The following IRGQ variants were observed in gnomAD, a reference collection of about 807,000 sequenced individuals.
IRGQ encodes the protein immunity-related GTPase family Q protein.
IRGQ carries 5 observed loss-of-function variants against 10.5 expected under a neutral mutation model. That is an observed-to-expected ratio of 0.48 (90% CI 0.25 to 1.00). The LOEUF (loss-of-function observed/expected upper bound fraction) is 1.00, where lower values mean the gene tolerates loss of function less well. IRGQ is among the 50% of genes least tolerant of loss of function. IRGQ has a pLI of 0.16. For synonymous variants in IRGQ, 418 were observed against 426.0 expected, an observed-to-expected ratio of 0.98 and a Z score of 0.23; for missense variants, 792 against 877.7, an observed-to-expected ratio of 0.90 and a Z score of 1.23.
chr19:43,585,782 G>A lies in IRGQ; in HGVS notation c.*6244C>T, dbSNP rs2146090113. ...ACTCCTTCCAGGGTGGAAAAACTCA[G>A]ATACTGATAAATTCTCTTGATCACA... On this transcript the variant is annotated 3_prime_UTR_variant, in exon 3 of 3. Transcript: ENST00000422989. The A allele has an allele frequency of 6.6e-6, 1 of 152,226 alleles. No homozygotes were observed. Among genetic ancestry groups the A allele is most frequent in the African/African-American group, 2.4e-5 (1 of 41,526 alleles). The allele number at this position is 152,226 out of a possible 1,614,324, so 9.4% of individuals were successfully genotyped here.
In IRGQ at chr19:43,589,545, C is replaced by G. The variant is rs1973031738; in HGVS notation, c.*2481G>C. On this transcript the variant is annotated 3_prime_UTR_variant, in exon 3 of 3. Coordinates refer to ENST00000422989, the MANE Select transcript of IRGQ (RefSeq NM_001007561.3). Reference sequence around the variant, plus strand: ...TGAGCCATGATCATCCCACTGTATTCCAGCCGGGGCAACAGAGCAAGACCC... The same window carrying G: ...TGAGCCATGATCATCCCACTGTATTGCAGCCGGGGCAACAGAGCAAGACCC... The G allele has an allele frequency of 6.6e-6, 1 of 152,096 alleles. No homozygotes were observed. Among genetic ancestry groups the G allele is most frequent in the Non-Finnish European group, 1.5e-5 (1 of 68,042 alleles). The allele number at this position is 152,096 out of a possible 1,614,324, so 9.4% of individuals were successfully genotyped here.
Position 43,592,738 on chromosome 19 carries a change from C to T in IRGQ, c.1160G>A (p.Gly387Glu). 1 of 1,612,132 alleles carries T rather than the reference C, an allele frequency of 6.2e-7. No homozygotes were observed. Among genetic ancestry groups the T allele is most frequent in the Admixed American group, 1.7e-5 (1 of 60,036 alleles). ...CTGCAAACCCTCGCTGCCAGCTTTC[C>T]CAGGACCTTCCCCGCTGCCTGCTTT... is the stretch of plus-strand genomic sequence containing the variant. ...SQKAGSGEGP[G>E]KAGSEGLQQV... is the part of the protein sequence containing the mutation. The change falls in exon 3 of 3, where the codon GGG (glycine) becomes GAG (glutamate). Residue 387 changes from glycine (G) to glutamate (E), a missense_variant. Coordinates refer to ENST00000422989, the MANE Select transcript of IRGQ (RefSeq NM_001007561.3).
Position 43,592,825 on chromosome 19 carries a change from C to T in IRGQ, c.1073G>A (p.Gly358Asp), listed in dbSNP as rs557028630. 5 of 1,614,110 alleles carry T rather than the reference C, an allele frequency of 3.1e-6. No individual in the cohort carries two copies. The Admixed American group carries it at 8.3e-5, about 27-fold the overall frequency. ...NPKGESLKNA[G>D]GGGLENALSK... The stretch of plus-strand genomic sequence containing the variant: ...GAGTGCATTCTCCAATCCCCCTCCA[C>T]CTGCGTTCTTTAAGCTCTCGCCCTT... Residue 358 changes from glycine to aspartate, a missense_variant, in exon 3 of 3, where the codon GGT becomes GAT. By Grantham distance (94) the Gly-to-Asp change is moderately conservative. Coordinates refer to ENST00000422989, the MANE Select transcript of IRGQ (RefSeq NM_001007561.3).
At position 43,595,220 on chromosome 19, in the gene IRGQ, C is replaced by T; in HGVS notation, c.119G>A (p.Gly40Glu). Residue 40 changes from glycine to glutamate, a missense_variant, in exon 2 of 3, where the codon GGA (glycine) becomes GAA (glutamate). Coordinates refer to ENST00000422989, the MANE Select transcript of IRGQ (RefSeq NM_001007561.3). ...KDVETLEAPE[G>E]RPDSGVPSLR... The stretch of plus-strand genomic sequence containing the variant: ...GCTGGGAACCCCGGAGTCCGGCCGT[C>T]CCTCGGGGGCCTCGAGCGTCTCCAC... 1 of 1,612,576 alleles carries T rather than the reference C, an allele frequency of 6.2e-7. No homozygotes were observed. The highest frequency in any genetic ancestry group is 8.5e-7 in the Non-Finnish European group (1 of 1,179,762).
chr19:43,594,051 G>A (rs1391591609), intron 2 of IRGQ, among the ~76,000 whole-genome samples: 1 of 152,222 alleles, frequency 6.6e-6, no homozygotes, highest in Non-Finnish European at 1.5e-5. Context: ...AAACAAGAGG[G>A]AGCTGGAGAA....
chr19:43,595,344 G>A lies in IRGQ; in HGVS notation c.-2-4C>T, dbSNP rs554986105. 2.6e-4 allele frequency: 402 copies of A among 1,539,186 alleles called. No individual in the cohort carries two copies. The highest frequency in any genetic ancestry group is 1.8e-3 in the South Asian group (148 of 81,830). On this transcript the variant is annotated splice_polypyrimidine_tract_variant and splice_region_variant and intron_variant, in intron 1 of 2. Coordinates refer to ENST00000422989, the MANE Select transcript of IRGQ (RefSeq NM_001007561.3). ...TCACCCTGCGGCGGAGGCATGGCTG[G>A]AAAGCAACGGGTAGAGAAGACCTGG...
chr19:43,592,837 A>G lies in IRGQ; in HGVS notation c.1061T>C (p.Leu354Ser). Reference protein sequence around the residue: ...GKMENPKGESLKNAGGGGLEN... With the variant: ...GKMENPKGESSKNAGGGGLEN... ...CAATCCCCCTCCACCTGCGTTCTTTAAGCTCTCGCCCTTGGGATTCTCCAT... is the reference window on the plus strand; with the variant it reads ...CAATCCCCCTCCACCTGCGTTCTTTGAGCTCTCGCCCTTGGGATTCTCCAT... The change falls in exon 3 of 3, where the codon TTA becomes TCA. Residue 354 changes from leucine (L) to serine (S), a missense_variant. Coordinates refer to ENST00000422989, the MANE Select transcript of IRGQ (RefSeq NM_001007561.3). 1 of 1,613,828 alleles carries G rather than the reference A, an allele frequency of 6.2e-7. No individual in the cohort carries two copies. Among genetic ancestry groups the G allele is most frequent in the Non-Finnish European group, 8.5e-7 (1 of 1,179,978 alleles).
chr19:43,593,335 A>G lies in IRGQ; in HGVS notation c.563T>C (p.Val188Ala). The G allele has an allele frequency of 6.5e-7, 1 of 1,527,136 alleles. No individual in the cohort carries two copies. The highest frequency in any genetic ancestry group is 8.8e-7 in the Non-Finnish European group (1 of 1,136,774). The allele number at this position is 1,527,136 out of a possible 1,614,324, so 94.6% of individuals were successfully genotyped here. A position where few individuals can be genotyped will look rare whatever the true frequency, so the allele number is the denominator to read the frequency against. The change falls in exon 3 of 3, where the codon GTG becomes GCG. Residue 188 changes from valine to alanine, a missense_variant. Transcript: ENST00000422989. The surrounding 1 kb of genome is among the most constrained non-coding windows in gnomAD (Gnocchi z 6.4). ...AGCCTCTAGCTCTGCTGCACCCAAC[A>G]CCTCGAAGCCATCCTGCGCCGGTGG... The part of the protein sequence containing the change: ...LLPPAQDGFE[V>A]LGAAELEAVR...
intron 2 of IRGQ, 128 bp downstream of exon 2, chr19:43,594,681 A>G: frequency 1.4e-6 from 1 of 691,710 alleles, no homozygotes; most frequent in Non-Finnish European, 2.2e-6. Flanking sequence ...GGAAAAAAAA[A>G]AAAATAATAA....
intron 1 of IRGQ, among the ~76,000 whole-genome samples, 199 bp downstream of exon 1, chr19:43,595,783 C>G (rs567512691): frequency 6.6e-6 from 1 of 152,124 alleles, no homozygotes; most frequent in Non-Finnish European, 1.5e-5. Flanking sequence ...AAGGCTGCGG[C>G]GGGAGGATCG....
chr19:43,592,664 C>T lies in IRGQ; in HGVS notation c.1234G>A (p.Ala412Thr), dbSNP rs1046325224. 6.8e-6 allele frequency: 11 copies of T among 1,605,874 alleles called. No homozygotes were observed. Among genetic ancestry groups the T allele is most frequent in the South Asian group, 4.4e-5 (4 of 91,088 alleles). The part of the protein sequence containing the change: ...KSGGGDSERA[A>T]ALSPEDETWE... ...GTCTCGTCCTCCGGGCTTAACGCAG[C>T]GGCCCGCTCTGAGTCGCCACCACCT... Residue 412 changes from alanine (A) to threonine (T), a missense_variant, in exon 3 of 3, where the codon GCT becomes ACT. Transcript: ENST00000422989.
chr19:43,593,022 A>G lies in IRGQ; in HGVS notation c.876T>C (p.Ser292=), dbSNP rs949148377. The change falls in exon 3 of 3, where the codon TCT becomes TCC. Residue 292 remains serine, a synonymous_variant. Transcript: ENST00000422989. The surrounding 1 kb of genome is among the most constrained non-coding windows in gnomAD (Gnocchi z 6.4). The part of the protein sequence containing the change: ...TGTATTAAAA[S]HPTHYDALIL... ...TGAGGGCGTCGTAGTGCGTTGGGTG[A>G]GAGGCGGCGGCCGCGGTGGTGGCAG... The G allele has an allele frequency of 6.2e-7, 1 of 1,605,736 alleles. No individual in the cohort carries two copies. Among genetic ancestry groups the G allele is most frequent in the Admixed American group, 1.7e-5 (1 of 59,928 alleles).
Position 43,589,447 on chromosome 19 carries a change from T to G in IRGQ, c.*2579A>C, listed in dbSNP as rs1359967046. The G allele has an allele frequency of 1.3e-5, 2 of 152,148 alleles. No homozygotes were observed. The highest frequency in any genetic ancestry group is 2.9e-5 in the Non-Finnish European group (2 of 68,042). The allele number at this position is 152,148 out of a possible 1,614,324, so 9.4% of individuals were successfully genotyped here. On this transcript the variant is annotated 3_prime_UTR_variant, in exon 3 of 3. Transcript: ENST00000422989. ...CGTCTCTACAGAAAATTTGGTGCTG[T>G]GTACCTATAGTCCCAGCTACTCTGT...
intron 2 of IRGQ, 72 bp downstream of exon 2, chr19:43,594,737 A>G: frequency 7.4e-7 from 1 of 1,344,634 alleles, no homozygotes; most frequent in South Asian, 1.4e-5. Context: ...GAGGGATCTC[A>G]TGGACCTCCA....
intron 1 of IRGQ, chr19:43,595,580 G>C: frequency 2.6e-6 from 1 of 384,230 alleles, no homozygotes; most frequent in Admixed American, 4.3e-5. Flanking sequence ...CAAAAACTCT[G>C]AAATCAGGCG....
At position 43,592,312 on chromosome 19, in the gene IRGQ, C is replaced by T. The variant is rs1431690612; in HGVS notation, c.1586G>A (p.Arg529Gln). Residue 529 changes from arginine to glutamine, a missense_variant, in exon 3 of 3, where the codon CGA (arginine) becomes CAA (glutamine). Coordinates refer to ENST00000422989, the MANE Select transcript of IRGQ (RefSeq NM_001007561.3). Reference protein sequence around the residue: ...GLGLEPTALARRERALGLASG... With the variant: ...GLGLEPTALAQRERALGLASG... The stretch of plus-strand genomic sequence containing the variant: ...AGCCAGGCCCAGGGCACGCTCACGT[C>T]GAGCCAGTGCCGTGGGTTCCAGCCC... The T allele has an allele frequency of 3.2e-6, 5 of 1,564,656 alleles. No homozygotes were observed. The highest frequency in any genetic ancestry group is 1.8e-5 in the Admixed American group (1 of 55,202).
At position 43,593,456 on chromosome 19, in the gene IRGQ, A is replaced by T. The variant is rs1973089915; in HGVS notation, c.531-89T>A. 6 of 1,332,166 alleles carry T rather than the reference A, an allele frequency of 4.5e-6. No homozygotes were observed. Among genetic ancestry groups the T allele is most frequent in the African/African-American group, 1.5e-5 (1 of 68,488 alleles). The allele number at this position is 1,332,166 out of a possible 1,614,324, so 82.5% of individuals were successfully genotyped here. A position where few individuals can be genotyped will look rare whatever the true frequency, so the allele number is the denominator to read the frequency against. On this transcript the variant is annotated intron_variant, in intron 2 of 2. Transcript: ENST00000422989. The surrounding 1 kb of genome is among the most constrained non-coding windows in gnomAD (Gnocchi z 6.4). ...ATGATGACAAGGGCAGAGCTTTCCTAATGATCCCAGAATGGGGCAGGGGTA... is the reference window on the plus strand; with the variant it reads ...ATGATGACAAGGGCAGAGCTTTCCTTATGATCCCAGAATGGGGCAGGGGTA...
Position 43,593,464 on chromosome 19 carries a change from C to A in IRGQ, c.531-97G>T. ...AAGGGCAGAGCTTTCCTAATGATCCCAGAATGGGGCAGGGGTAGGAAAGGG... is the reference window on the plus strand; with the variant it reads ...AAGGGCAGAGCTTTCCTAATGATCCAAGAATGGGGCAGGGGTAGGAAAGGG... On this transcript the variant is annotated intron_variant, in intron 2 of 2. Transcript: ENST00000422989. This position sits in a 1 kb window ranked among gnomAD's most constrained non-coding sequence, Gnocchi z 6.4. 1 of 1,264,852 alleles carries A rather than the reference C, an allele frequency of 7.9e-7. No homozygotes were observed. The highest frequency in any genetic ancestry group is 2.1e-5 in the South Asian group (1 of 46,726). The allele number at this position is 1,264,852 out of a possible 1,614,324, so 78.4% of individuals were successfully genotyped here.
chr19:43,595,319 TCA>T lies in IRGQ; in HGVS notation c.18_19del (p.Asp7ArgfsTer122). 6.4e-7 allele frequency: 1 copy of T among 1,563,290 alleles called. No individual in the cohort carries two copies. Among genetic ancestry groups the T allele is most frequent in the Non-Finnish European group, 8.7e-7 (1 of 1,155,540 alleles). On this transcript the variant is annotated frameshift_variant, in exon 2 of 3. Coordinates refer to ENST00000422989, the MANE Select transcript of IRGQ (RefSeq NM_001007561.3). LOFTEE classifies it high-confidence loss of function. ...AGGCCCCAGGAACAAGGCGGTCACG[TCA>T]CCCTGCGGCGGAGGCATGGCTGGAA... is the stretch of plus-strand genomic sequence containing the variant.
Sources: gnomAD v4.1 joint callset for allele counts (sites outside exome capture counted in the v4.1 genomes callset) on GRCh38, gnomAD v4.1.1 for gene constraint, Gnocchi (gnomAD v3.1) non-coding constraint, MANE v1.5 for transcripts, NCBI Gene and HGNC (gene_info 2026-07-23, HGNC 2026-07-21) for gene names.